WEE2: variants seen among roughly 807,000 people sequenced by gnomAD.
WEE2 encodes wee1-like protein kinase 2.
A neutral mutation model predicts 60.1 loss-of-function variants in WEE2; 50 were observed. The observed-to-expected ratio is 0.83, with a 90% confidence interval of 0.66 to 1.05. WEE2 has a LOEUF of 1.05. Ranked by LOEUF, WEE2 falls within the 50% of genes least tolerant of loss-of-function variation. The probability of loss-of-function intolerance (pLI) is 0.00; values close to 1 mark genes in which losing one functional copy is unlikely to be tolerated. For synonymous variants in WEE2, 240 were observed against 241.0 expected, an observed-to-expected ratio of 1.00 and a Z score of 0.04; for missense variants, 631 against 684.3, an observed-to-expected ratio of 0.92 and a Z score of 0.87.
At chr7:141,724,108 T>C in intron 7 of WEE2, 60 bp downstream of exon 7, 1 of 1,567,144 alleles carries the variant, frequency 6.4e-7, no homozygotes, top group South Asian at 1.2e-5. Context: ...TAGTGATGAC[T>C]CAATTTATTC....
At chr7:141,723,340 A>G in intron 6 of WEE2, 60 bp downstream of exon 6, 2 of 1,568,332 alleles carry the variant, frequency 1.3e-6, no homozygotes, top group Non-Finnish European at 1.7e-6. Flanking sequence ...GCTATCATCA[A>G]AATCTAGGTC....
intron 2 of WEE2, among the ~76,000 whole-genome samples, chr7:141,715,639 G>C (rs981744279): frequency 2.9e-4 from 44 of 152,270 alleles, no homozygotes; most frequent in African/African-American, 1.0e-3. Context: ...TCCCGGGTTA[G>C]AGCAGATTCT....
chr7:141,730,213 G>A (rs1799113715), intron 11 of WEE2, 82 bp from the exon 12 acceptor site: 3 of 1,329,136 alleles, frequency 2.3e-6, no homozygotes, highest in Non-Finnish European at 3.2e-6. Flanking sequence ...ACAATAATTG[G>A]AAGCCATTTC....
chr7:141,721,665 T>C (rs1224878394), intron 5 of WEE2, among the ~76,000 whole-genome samples: 1 of 151,994 alleles, frequency 6.6e-6, no homozygotes, highest in African/African-American at 2.4e-5. Context: ...GGTTTCCCCA[T>C]GTTGGTCATG....
chr7:141,730,298 G>A lies in WEE2; in HGVS notation c.1682G>A (p.Gly561Glu), dbSNP rs757566675. The A allele has an allele frequency of 4.7e-5, 76 of 1,613,294 alleles. No individual in the cohort carries two copies. Among genetic ancestry groups the A allele is most frequent in the Non-Finnish European group, 6.4e-5 (76 of 1,179,692 alleles). ...TTCTCACACTTTTGATGAACAGCAG[G>A]AGAGCGTGAGCCTCTGCATTAAAGG... is the stretch of plus-strand genomic sequence containing the variant. The part of the protein sequence containing the change: ...KSARSSSFTS[G>E]EREPLH Residue 561 changes from glycine (G) to glutamate (E), a missense_variant, in exon 12 of 12, where the codon GGA (glycine) becomes GAA (glutamate). Transcript: ENST00000397541.
chr7:141,722,330 G>A (rs952779155), intron 5 of WEE2, among the ~76,000 whole-genome samples: 12 of 152,104 alleles, frequency 7.9e-5, no homozygotes, highest in African/African-American at 2.2e-4. Flanking sequence ...GCTTGAACCC[G>A]GGAGGCGGAG....
chr7:141,730,326 G>A lies in WEE2; in HGVS notation c.*6G>A, dbSNP rs779915883. The A allele has an allele frequency of 1.2e-6, 2 of 1,613,140 alleles. No individual in the cohort carries two copies. Among genetic ancestry groups the A allele is most frequent in the East Asian group, 2.2e-5 (1 of 44,826 alleles). On this transcript the variant is annotated 3_prime_UTR_variant, in exon 12 of 12. Coordinates refer to ENST00000397541, the MANE Select transcript of WEE2 (RefSeq NM_001105558.1). Reference sequence around the variant, plus strand: ...AGCGTGAGCCTCTGCATTAAAGGAAGAAAAGGAAAACAGCCCTTGGTTTGG... The same window carrying A: ...AGCGTGAGCCTCTGCATTAAAGGAAAAAAAGGAAAACAGCCCTTGGTTTGG...
At chr7:141,718,138 G>C (rs185193555) in intron 3 of WEE2, among the ~76,000 whole-genome samples, 113 of 152,238 alleles carry the variant, frequency 7.4e-4, no homozygotes, top group African/African-American at 2.6e-3. Flanking sequence ...ACCAGAATTA[G>C]ATGTTGAAAA....
rs1273272006 is a variant in WEE2 at position 141,711,278 on chromosome 7, C to T, written c.342+2178C>T. 6.6e-6 allele frequency among the ~76,000 whole-genome samples: 1 copy of T among 152,198 alleles called. No homozygotes were observed. The highest frequency in any genetic ancestry group is 1.5e-5 in the Non-Finnish European group (1 of 68,036). On this transcript the variant is annotated intron_variant, in intron 1 of 11. Transcript: ENST00000397541. This position sits in a 1 kb window ranked among gnomAD's most constrained non-coding sequence, Gnocchi z 4.2. ...GAGGCCATGGGTGGAGATAAGGTCA[C>T]ATAGCCTGAGTGCCAGAGTAAGGAG...
chr7:141,716,112 C>T (rs1798789921), intron 2 of WEE2, 110 bp from the exon 3 acceptor site: 1 of 936,470 alleles, frequency 1.1e-6, no homozygotes. Flanking sequence ...CACATATAAA[C>T]CGAAGAGAAA....
intron 6 of WEE2, 129 bp from the exon 7 acceptor site, chr7:141,723,812 A>C (rs75711800): frequency 6.6e-6 from 4 of 605,220 alleles, no homozygotes; most frequent in African/African-American, 3.8e-5. Flanking sequence ...CAAAAAAAAA[A>C]CCTTAGTAGT....
At chr7:141,718,396 A>C (rs1352623013) in intron 3 of WEE2, among the ~76,000 whole-genome samples, 1 of 152,146 alleles carries the variant, frequency 6.6e-6, no homozygotes, top group Non-Finnish European at 1.5e-5. Flanking sequence ...AGAACCCTGA[A>C]GAGTGTTGCC....
intron 5 of WEE2, among the ~76,000 whole-genome samples, chr7:141,721,889 C>T (rs569919101): frequency 5.7e-4 from 87 of 152,190 alleles, no homozygotes; most frequent in Non-Finnish European, 1.1e-3. Flanking sequence ...TACTGTAGCC[C>T]TCCTTGTGTT....
Position 141,711,011 on chromosome 7 carries a change from G to A in WEE2, c.342+1911G>A, listed in dbSNP as rs1004150039. ...TTGAACAAAGAAGAGCCTGGACTAG[G>A]ACAGTGAAAAATTCAGAGATGACTT... On this transcript the variant is annotated intron_variant, in intron 1 of 11. Coordinates refer to ENST00000397541, the MANE Select transcript of WEE2 (RefSeq NM_001105558.1). The surrounding 1 kb of genome is among the most constrained non-coding windows in gnomAD (Gnocchi z 4.2). Among the ~76,000 whole-genome samples the A allele has an allele frequency of 3.9e-5, 6 of 152,166 alleles. No individual in the cohort carries two copies. Among genetic ancestry groups the A allele is most frequent in the Non-Finnish European group, 5.9e-5 (4 of 68,022 alleles).
intron 10 of WEE2, 34 bp downstream of exon 10, chr7:141,727,480 A>C: frequency 6.2e-7 from 1 of 1,611,626 alleles, no homozygotes; most frequent in Middle Eastern, 1.7e-4. Context: ...TCAAGAAAGA[A>C]TCTGAGCACT....
chr7:141,729,928 C>T (rs1448895779), intron 11 of WEE2, among the ~76,000 whole-genome samples: 1 of 148,920 alleles, frequency 6.7e-6, no homozygotes, highest in Non-Finnish European at 1.5e-5. Context: ...GTGGAGCTTG[C>T]AGTGAGCTGA....
rs1478195377 is a variant in WEE2, at chr7:141,726,544, A to G, written c.1393-760A>G. 2.0e-5 allele frequency among the ~76,000 whole-genome samples: 3 copies of G among 152,336 alleles called. No individual in the cohort carries two copies. The East Asian group carries it at 5.8e-4, about 29-fold the overall frequency. The stretch of plus-strand genomic sequence containing the variant: ...AAACTCTTCCTCCTTCCTTTTGTTC[A>G]GTCTAATCACCTATTTCCATATGTA... On this transcript the variant is annotated intron_variant, in intron 9 of 11. Transcript: ENST00000397541.
At chr7:141,713,602 T>C (rs1490910552) in intron 1 of WEE2, among the ~76,000 whole-genome samples, 3 of 152,228 alleles carry the variant, frequency 2.0e-5, no homozygotes, top group Admixed American at 2.0e-4. Context: ...CATGAAGCAC[T>C]TCTCAGTTAG....
At chr7:141,729,452 C>A in intron 10 of WEE2, 79 bp from the exon 11 acceptor site, 1 of 1,573,230 alleles carries the variant, frequency 6.4e-7, no homozygotes, top group South Asian at 1.1e-5. Context: ...AGAAGAAAAA[C>A]ATTTATATAT....
Sources: gnomAD v4.1 joint callset for allele counts (sites outside exome capture counted in the v4.1 genomes callset) on GRCh38, gnomAD v4.1.1 for gene constraint, Gnocchi (gnomAD v3.1) non-coding constraint, MANE v1.5 for transcripts, NCBI Gene and HGNC (gene_info 2026-07-23, HGNC 2026-07-21) for gene names.